The following ADAMTSL1 variants were observed in gnomAD, a reference collection of about 807,000 sequenced individuals.
The protein encoded by ADAMTSL1 is ADAMTS-like protein 1.
In ADAMTSL1, 126 loss-of-function variants were observed where a neutral mutation model predicts 201.8. That is an observed-to-expected ratio of 0.62 (90% CI 0.54 to 0.72). The LOEUF is 0.72. ADAMTSL1 is among the 30% of genes least tolerant of loss of function. ADAMTSL1 has a pLI of 0.00. For synonymous variants in ADAMTSL1, 1,121 were observed against 903.4 expected (o/e 1.24, Z -4.32); for missense variants, 2,679 against 2,277.8 (o/e 1.18, Z -3.59).
chr9:18,413,768 C>G (rs1461829183), intron 2 of ADAMTSL1, among the ~76,000 whole-genome samples: 1 of 152,152 alleles, frequency 6.6e-6, no homozygotes, highest in East Asian at 1.9e-4. Context: ...AAGTCTCTTT[C>G]CTCACACAGC....
rs140762352 is a variant in ADAMTSL1 at position 18,033,653 on chromosome 9, C to G, written c.87+126731C>G. Among the ~76,000 whole-genome samples the G allele has an allele frequency of 2.0e-4, 30 of 152,286 alleles. No homozygotes were observed. The East Asian group carries it at 3.7e-3, about 19-fold the overall frequency. Reference sequence around the variant, plus strand: ...GGAAACAATCTCTCAACTTGGTACTCCAGGTTTGAACTTTAAGACAACCAA... The same window carrying G: ...GGAAACAATCTCTCAACTTGGTACTGCAGGTTTGAACTTTAAGACAACCAA... On this transcript the variant is annotated intron_variant, in intron 1 of 29. Coordinates refer to the ADAMTSL1 transcript ENST00000680146.
intron 4 of ADAMTSL1, among the ~76,000 whole-genome samples, chr9:18,584,500 T>C (rs1409289557): frequency 6.6e-6 from 1 of 152,200 alleles, no homozygotes; most frequent in Non-Finnish European, 1.5e-5. Flanking sequence ...TTCCACTCAA[T>C]GGCAGAAAAT....
intron 1 of ADAMTSL1, among the ~76,000 whole-genome samples, chr9:18,046,428 C>CCCTTT (rs1821661905): frequency 6.6e-6 from 1 of 152,118 alleles, no homozygotes; most frequent in Non-Finnish European, 1.5e-5. Flanking sequence ...GGCATATAAG[C>CCCTTT]CCTTTCCTGT....
At chr9:18,313,591 T>G (rs571059805) in intron 2 of ADAMTSL1, among the ~76,000 whole-genome samples, 1 of 152,272 alleles carries the variant, frequency 6.6e-6, no homozygotes, top group Middle Eastern at 3.4e-3. Flanking sequence ...ACAGACAGTG[T>G]TTGAAAAATC....
At chr9:18,675,510 A>T (rs1274067513) in intron 9 of ADAMTSL1, among the ~76,000 whole-genome samples, 2 of 152,162 alleles carry the variant, frequency 1.3e-5, no homozygotes, top group Non-Finnish European at 2.9e-5. Flanking sequence ...TGATAATAAT[A>T]ATGACCTCAT....
At chr9:18,549,022 C>T (rs756361936) in intron 3 of ADAMTSL1, among the ~76,000 whole-genome samples, 1 of 151,630 alleles carries the variant, frequency 6.6e-6, no homozygotes, top group East Asian at 1.9e-4. Context: ...ACAAAAGGCT[C>T]CAATATACAT....
chr9:18,014,974 C>T (rs921591331), intron 1 of ADAMTSL1, among the ~76,000 whole-genome samples: 8 of 152,178 alleles, frequency 5.3e-5, no homozygotes, highest in South Asian at 2.1e-4. Flanking sequence ...CGGCTGTAGA[C>T]ATCAGGAATA....
chr9:17,938,169 C>T (rs1414866703), intron 1 of ADAMTSL1, among the ~76,000 whole-genome samples: 1 of 152,128 alleles, frequency 6.6e-6, no homozygotes. Flanking sequence ...GTGCACTCGT[C>T]TCTAATTTAC....
intron 24 of ADAMTSL1, among the ~76,000 whole-genome samples, chr9:18,889,093 G>A (rs1440074560): frequency 3.3e-5 from 5 of 152,066 alleles, no homozygotes; most frequent in Non-Finnish European, 5.9e-5. Flanking sequence ...CTCTGCATAG[G>A]CTCTTTTGGG....
chr9:18,830,174 G>T (rs1240626788), intron 23 of ADAMTSL1, among the ~76,000 whole-genome samples, 197 bp downstream of exon 23: 1 of 152,166 alleles, frequency 6.6e-6, no homozygotes. Flanking sequence ...TTGTTAGTCT[G>T]GACTCTGTGG....
intron 4 of ADAMTSL1, among the ~76,000 whole-genome samples, chr9:18,599,875 G>T (rs1303557765): frequency 2.0e-5 from 3 of 151,168 alleles, no homozygotes; most frequent in Non-Finnish European, 2.9e-5. Flanking sequence ...AGATCTGGCT[G>T]GGCGCGGTGG....
intron 1 of ADAMTSL1, among the ~76,000 whole-genome samples, chr9:17,941,129 G>A (rs971471542): frequency 3.4e-4 from 51 of 152,050 alleles, no homozygotes; most frequent in African/African-American, 1.0e-3. Flanking sequence ...TAGTTCTGAG[G>A]CTAAGCATGT....
chr9:17,913,988 G>A (rs1016281114), intron 1 of ADAMTSL1, among the ~76,000 whole-genome samples: 2 of 152,166 alleles, frequency 1.3e-5, no homozygotes, highest in Non-Finnish European at 2.9e-5. Flanking sequence ...TTGAATCTCT[G>A]AATAGACGAA....
intron 1 of ADAMTSL1, among the ~76,000 whole-genome samples, chr9:17,989,692 T>C (rs555586931): frequency 6.6e-6 from 1 of 152,130 alleles, no homozygotes; most frequent in East Asian, 1.9e-4. Flanking sequence ...CTTTTTAAAA[T>C]ATTTGCCACT....
chr9:17,913,940 C>G (rs375678158), intron 1 of ADAMTSL1, among the ~76,000 whole-genome samples: 1 of 152,132 alleles, frequency 6.6e-6, no homozygotes, highest in African/African-American at 2.4e-5. Context: ...ATAAATTCCT[C>G]GACACATACA....
intron 10 of ADAMTSL1, among the ~76,000 whole-genome samples, 172 bp from the exon 11 acceptor site, chr9:18,680,140 C>G (rs908216853): frequency 2.0e-4 from 31 of 152,168 alleles, no homozygotes; most frequent in African/African-American, 7.5e-4. Flanking sequence ...AATGTTGAAT[C>G]CTTCTCTCTT....
intron 1 of ADAMTSL1, among the ~76,000 whole-genome samples, chr9:17,985,472 A>C (rs1356310392): frequency 1.3e-5 from 2 of 152,138 alleles, no homozygotes; most frequent in African/African-American, 4.8e-5. Flanking sequence ...AATCTTGAAA[A>C]ATACTTTATA....
chr9:18,702,281 C>A (rs1831967548), intron 13 of ADAMTSL1, among the ~76,000 whole-genome samples: 1 of 152,108 alleles, frequency 6.6e-6, no homozygotes, highest in Non-Finnish European at 1.5e-5. Flanking sequence ...TAGTTACAGG[C>A]CATGTAGACA....
chr9:18,419,386 T>C (rs898001991), intron 2 of ADAMTSL1, among the ~76,000 whole-genome samples: 41 of 152,004 alleles, frequency 2.7e-4, no homozygotes, highest in Admixed American at 2.4e-3. Flanking sequence ...ATTGAACTAT[T>C]TTTTTCTCTT....
Sources: allele counts gnomAD v4.1 joint callset (sites outside exome capture counted in the v4.1 genomes callset), GRCh38; gene constraint gnomAD v4.1.1; transcripts MANE v1.5; gene names NCBI Gene and HGNC (gene_info 2026-07-23, HGNC 2026-07-21).